Variants in SLC8A1 observed in about 807,000 individuals in gnomAD.
SLC8A1 encodes the protein solute carrier family 8 member A1, also known as sodium/calcium exchanger 1.
In SLC8A1, 18 loss-of-function variants were observed where a neutral mutation model predicts 68.3. That is an observed-to-expected ratio of 0.26 (90% CI 0.18 to 0.39). The LOEUF (loss-of-function observed/expected upper bound fraction) is 0.39. Among genes scored for constraint, SLC8A1 ranks in the 10% least tolerant of loss-of-function variants. SLC8A1 has a pLI of 1.00. For synonymous variants in SLC8A1, 475 were observed against 415.5 expected (o/e 1.14, Z -1.74); for missense variants, 985 against 1,156.7 (o/e 0.85, Z 2.15).
At chr2:40,473,795 G>A (rs1346575685) in intron 1 of SLC8A1, among the ~76,000 whole-genome samples, 2 of 152,118 alleles carry the variant, frequency 1.3e-5, no homozygotes, top group Non-Finnish European at 2.9e-5. Context: ...CACACCCAGT[G>A]GTGGGGAACT....
chr2:40,413,510 C>T (rs1220122698), intron 2 of SLC8A1, among the ~76,000 whole-genome samples: 1 of 152,146 alleles, frequency 6.6e-6, no homozygotes, highest in African/African-American at 2.4e-5. Context: ...ATTTAAGAAT[C>T]TTTATAAGCA....
At position 40,415,723 on chromosome 2, in the gene SLC8A1, A is replaced by T. The variant is rs541486471; in HGVS notation, c.1808+12750T>A. 3.3e-5 allele frequency among the ~76,000 whole-genome samples: 5 copies of T among 152,186 alleles called. No individual in the cohort carries two copies. The South Asian group carries it at 6.2e-4, about 19-fold the overall frequency. On this transcript the variant is annotated intron_variant, in intron 2 of 7. Transcript: ENST00000406785. ...CAATCTCAACCAGGTGTGGCCTGTTATCCCAGCACTTTGGGAGGCCGAGGT... is the reference window on the plus strand; with the variant it reads ...CAATCTCAACCAGGTGTGGCCTGTTTTCCCAGCACTTTGGGAGGCCGAGGT...
At chr2:40,142,658 A>G (rs565535564) in intron 6 of SLC8A1, among the ~76,000 whole-genome samples, 1 of 152,306 alleles carries the variant, frequency 6.6e-6, no homozygotes, top group African/African-American at 2.4e-5. Context: ...AATTGAGAGT[A>G]GACATTATAT....
chr2:40,440,241 T>C (rs1700220285), intron 1 of SLC8A1, among the ~76,000 whole-genome samples: 1 of 152,184 alleles, frequency 6.6e-6, no homozygotes, highest in African/African-American at 2.4e-5. Flanking sequence ...GTAACTATGC[T>C]GACACTGCTA....
chr2:40,257,535 C>T (rs1331171840), intron 2 of SLC8A1, among the ~76,000 whole-genome samples: 1 of 151,910 alleles, frequency 6.6e-6, no homozygotes, highest in East Asian at 1.9e-4. Context: ...ACAGAGATAG[C>T]TATTATTTCC....
intron 2 of SLC8A1, among the ~76,000 whole-genome samples, chr2:40,233,472 G>A: frequency 6.9e-6 from 1 of 144,332 alleles, no homozygotes; most frequent in Non-Finnish European, 1.5e-5. Flanking sequence ...ATTTGTTTGA[G>A]TTCATTGTAG....
At chr2:40,359,215 A>G (rs928144215) in intron 2 of SLC8A1, among the ~76,000 whole-genome samples, 1 of 152,330 alleles carries the variant, frequency 6.6e-6, no homozygotes, top group South Asian at 2.1e-4. Context: ...AAGACTGTGA[A>G]AAAATGAAAC....
intron 1 of SLC8A1, among the ~76,000 whole-genome samples, chr2:40,499,692 G>C (rs911939112): frequency 6.6e-6 from 1 of 151,970 alleles, no homozygotes; most frequent in Non-Finnish European, 1.5e-5. Context: ...ACAATCTTCT[G>C]GTTGGTTATC....
At chr2:40,284,390 T>C (rs1269297106) in intron 2 of SLC8A1, among the ~76,000 whole-genome samples, 1 of 147,312 alleles carries the variant, frequency 6.8e-6, no homozygotes, top group Admixed American at 6.9e-5. Flanking sequence ...ATATATGATA[T>C]ATACATACAC....
At chr2:40,424,086 G>A (rs1485949531) in intron 2 of SLC8A1, among the ~76,000 whole-genome samples, 1 of 151,864 alleles carries the variant, frequency 6.6e-6, no homozygotes, top group Non-Finnish European at 1.5e-5. Flanking sequence ...AAATTCTACT[G>A]CTATAAAGTA....
intron 2 of SLC8A1, among the ~76,000 whole-genome samples, chr2:40,305,436 T>A (rs77619980): frequency 1.3e-5 from 2 of 152,198 alleles, no homozygotes; most frequent in African/African-American, 2.4e-5. Flanking sequence ...TCTCTAGACA[T>A]TGCCAGATAG....
intron 1 of SLC8A1, among the ~76,000 whole-genome samples, chr2:40,489,821 G>C (rs1224863545): frequency 2.0e-5 from 3 of 151,856 alleles, no homozygotes; most frequent in African/African-American, 4.8e-5. Context: ...AAGGTTTGCT[G>C]CCACAGGAAC....
intron 2 of SLC8A1, among the ~76,000 whole-genome samples, chr2:40,240,478 T>C (rs1424107113): frequency 3.3e-5 from 5 of 152,176 alleles, no homozygotes; most frequent in Non-Finnish European, 7.4e-5. Flanking sequence ...GAGGAGTTTT[T>C]GAAGCAAACC....
intron 2 of SLC8A1, chr2:40,250,182 A>G (rs1169048606): frequency 1.3e-5 from 2 of 152,200 alleles, no homozygotes; most frequent in South Asian, 2.1e-4. Flanking sequence ...ATACTATTTT[A>G]TAATTTGGGG....
intron 1 of SLC8A1, among the ~76,000 whole-genome samples, chr2:40,457,655 A>G (rs1184016432): frequency 2.0e-5 from 3 of 152,262 alleles, no homozygotes; most frequent in Non-Finnish European, 4.4e-5. Flanking sequence ...AAGAATCCTT[A>G]GTAATCACAA....
chr2:40,402,062 G>A (rs1177134219), intron 2 of SLC8A1, among the ~76,000 whole-genome samples: 1 of 152,188 alleles, frequency 6.6e-6, no homozygotes, highest in Non-Finnish European at 1.5e-5. Context: ...CTCAAGTGGT[G>A]AGGCATTCTT....
At chr2:40,337,251 A>G (rs1484565349) in intron 2 of SLC8A1, 2 of 294,370 alleles carry the variant, frequency 6.8e-6, no homozygotes, top group Non-Finnish European at 1.5e-5. Flanking sequence ...TTTGATATTT[A>G]TACATCAAAT....
intron 7 of SLC8A1, among the ~76,000 whole-genome samples, chr2:40,137,564 G>A (rs988385124): frequency 6.6e-5 from 10 of 152,016 alleles, no homozygotes; most frequent in Non-Finnish European, 1.2e-4. Flanking sequence ...TAGAAGCAAC[G>A]GACAACCACA....
At chr2:40,146,638 G>GCCC (rs1491137214) in intron 6 of SLC8A1, among the ~76,000 whole-genome samples, 2 of 69,372 alleles carry the variant, frequency 2.9e-5, no homozygotes, top group African/African-American at 1.6e-4. Context: ...GGGGATGGGA[G>GCCC]GCAGTGAAAG....
Sources: allele counts gnomAD v4.1 joint callset (sites outside exome capture counted in the v4.1 genomes callset), GRCh38; gene constraint gnomAD v4.1.1; transcripts MANE v1.5; gene names NCBI Gene and HGNC (gene_info 2026-07-23, HGNC 2026-07-21).